Variants in MFSD6 observed in about 807,000 individuals in gnomAD.
MFSD6 encodes major facilitator superfamily domain-containing protein 6.
Under a neutral mutation model 56.3 loss-of-function variants are expected in MFSD6, and 26 were observed. The ratio of observed to expected loss-of-function variants is 0.46; its 90% CI spans 0.34 to 0.64. The LOEUF (loss-of-function observed/expected upper bound fraction) is 0.64, where lower values mean the gene tolerates loss of function less well. MFSD6 is among the 30% of genes least tolerant of loss of function. MFSD6 has a pLI of 0.01. For synonymous variants in MFSD6, 331 were observed against 366.9 expected (o/e 0.90, Z 1.12); for missense variants, 750 against 986.2 (o/e 0.76, Z 3.21).
chr2:190,493,726 A>G (rs1458794013), intron 6 of MFSD6, among the ~76,000 whole-genome samples: 6 of 152,208 alleles, frequency 3.9e-5, no homozygotes, highest in African/African-American at 1.2e-4. Context: ...GGAACCTTCA[A>G]AACCATGCAA....
intron 2 of MFSD6, among the ~76,000 whole-genome samples, chr2:190,422,491 T>TA (rs1292700204): frequency 6.6e-6 from 1 of 152,232 alleles, no homozygotes; most frequent in Non-Finnish European, 1.5e-5. Flanking sequence ...ATTGCATGTG[T>TA]AAAATGTCTT....
Position 190,437,689 on chromosome 2 carries a change from G to A in MFSD6, c.1532+128G>A. The A allele has an allele frequency of 8.8e-7, 1 of 1,132,108 alleles. No homozygotes were observed. The highest frequency in any genetic ancestry group is 1.2e-6 in the Non-Finnish European group (1 of 819,490). 70.1% of individuals were successfully genotyped at this position (1,132,108 alleles called of 1,614,324 possible). ...GAGGATAGGGTTGGAGTGGAAATGG[G>A]GATTTCTGTTTCTTTTCCTCCTTAA... On this transcript the variant is annotated intron_variant, in intron 3 of 7. Coordinates refer to ENST00000392328, the MANE Select transcript of MFSD6 (RefSeq NM_017694.4). This position sits in a 1 kb window ranked among gnomAD's most constrained non-coding sequence, Gnocchi z 5.9.
rs982135051 is a variant in MFSD6, at chr2:190,454,866, T to G, written c.1533-14892T>G. The stretch of plus-strand genomic sequence containing the variant: ...CCTATGGCCTAACATAGTGGGATGA[T>G]GGTAGGAGTGAGTCCGGCAACGGCA... On this transcript the variant is annotated intron_variant, in intron 3 of 7. Transcript: ENST00000392328. This position sits in a 1 kb window ranked among gnomAD's most constrained non-coding sequence, Gnocchi z 4.6. Among the ~76,000 whole-genome samples the G allele has an allele frequency of 2.6e-5, 4 of 151,962 alleles. No homozygotes were observed. In the East Asian group the frequency reaches 7.7e-4, roughly 29 times the overall value.
chr2:190,497,756 C>A lies in MFSD6; in HGVS notation c.2172+37C>A. 1 of 1,579,680 alleles carries A rather than the reference C, an allele frequency of 6.3e-7. No individual in the cohort carries two copies. The highest frequency in any genetic ancestry group is 1.1e-5 in the South Asian group (1 of 88,062). ...TTGCTGGGCTAGCAATATTACCTGT[C>A]ACTCAAGATACCTTAACTGGGCTCA... On this transcript the variant is annotated intron_variant, in intron 7 of 7. Coordinates refer to ENST00000392328, the MANE Select transcript of MFSD6 (RefSeq NM_017694.4). This position sits in a 1 kb window ranked among gnomAD's most constrained non-coding sequence, Gnocchi z 5.2.
intron 3 of MFSD6, among the ~76,000 whole-genome samples, chr2:190,441,243 C>T (rs1278568597): frequency 1.3e-5 from 2 of 152,056 alleles, no homozygotes; most frequent in South Asian, 4.2e-4. Context: ...AGGGTCTGTT[C>T]TCGTGTCTTC....
intron 2 of MFSD6, chr2:190,435,441 C>A (rs897710216): frequency 1.3e-5 from 2 of 152,558 alleles, no homozygotes; most frequent in African/African-American, 4.8e-5. Context: ...ACCAGGGTAT[C>A]TTTGTCATGG....
intron 4 of MFSD6, among the ~76,000 whole-genome samples, chr2:190,483,264 G>T (rs1688804543): frequency 6.6e-6 from 1 of 152,076 alleles, no homozygotes; most frequent in Non-Finnish European, 1.5e-5. Context: ...AAAGTAGATA[G>T]TTACATTTAC....
intron 4 of MFSD6, among the ~76,000 whole-genome samples, chr2:190,470,737 G>T (rs1574185061): frequency 1.3e-5 from 2 of 152,256 alleles, no homozygotes; most frequent in East Asian, 3.9e-4. Context: ...CATGATGAAA[G>T]ATTGAGAATT....
At chr2:190,466,027 TG>T (rs1687588046) in intron 3 of MFSD6, among the ~76,000 whole-genome samples, 1 of 152,220 alleles carries the variant, frequency 6.6e-6, no homozygotes, top group Admixed American at 6.5e-5. Context: ...CGAGATCAAT[TG>T]TCCGTAGGGT....
In MFSD6 at chr2:190,467,602, G is replaced by C. The variant is rs1056316345; in HGVS notation, c.1533-2156G>C. Reference sequence around the variant, plus strand: ...CTCTCTAGCCTCGGCAACAGAGCGAGACTCTGTCTCAAAAAAAGAAAAAGA... The same window carrying C: ...CTCTCTAGCCTCGGCAACAGAGCGACACTCTGTCTCAAAAAAAGAAAAAGA... On this transcript the variant is annotated intron_variant, in intron 3 of 7. Transcript: ENST00000392328. This position sits in a 1 kb window ranked among gnomAD's most constrained non-coding sequence, Gnocchi z 5.5. 2.0e-5 allele frequency among the ~76,000 whole-genome samples: 3 copies of C among 152,136 alleles called. No individual in the cohort carries two copies. The highest frequency in any genetic ancestry group is 4.4e-5 in the Non-Finnish European group (3 of 68,036).
In MFSD6 at chr2:190,474,313, C is replaced by T. The variant is rs572711293; in HGVS notation, c.1630+4458C>T. Among the ~76,000 whole-genome samples the T allele has an allele frequency of 1.6e-3, 241 of 151,676 alleles. 2 individuals are homozygous for T. Among genetic ancestry groups the T allele is most frequent in the African/African-American group, 3.5e-3 (143 of 41,376 alleles). ...GAAAAGATCAACAAAATTGATAGACCGCTAGCAAGACTAATAAAGAAGAAA... is the reference window on the plus strand; with the variant it reads ...GAAAAGATCAACAAAATTGATAGACTGCTAGCAAGACTAATAAAGAAGAAA... On this transcript the variant is annotated intron_variant, in intron 4 of 7. Coordinates refer to ENST00000392328, the MANE Select transcript of MFSD6 (RefSeq NM_017694.4).
chr2:190,460,877 C>A lies in MFSD6; in HGVS notation c.1533-8881C>A, dbSNP rs557006077. ...AAGGAAAGATGTTTTATAATAGAAT[C>A]TTCTTCATATCAGCAATTTTGATGC... On this transcript the variant is annotated intron_variant, in intron 3 of 7. Coordinates refer to ENST00000392328, the MANE Select transcript of MFSD6 (RefSeq NM_017694.4). Among the ~76,000 whole-genome samples, 3 of 152,300 alleles carry A rather than the reference C, an allele frequency of 2.0e-5. No individual in the cohort carries two copies. In the South Asian group the frequency reaches 6.2e-4, roughly 32 times the overall value.
chr2:190,435,921 G>A (rs571504798), intron 2 of MFSD6, 56 bp from the exon 3 acceptor site: 4 of 1,364,400 alleles, frequency 2.9e-6, no homozygotes, highest in African/African-American at 1.5e-5. Context: ...ATGAAGTTCT[G>A]TGTTTACATG....
chr2:190,482,892 T>TG (rs1688768342), intron 4 of MFSD6, among the ~76,000 whole-genome samples: 2 of 85,520 alleles, frequency 2.3e-5, no homozygotes, highest in Admixed American at 1.4e-4. Context: ...TTTTTTTTTT[T>TG]TTTTTTTTTT....
At position 190,465,631 on chromosome 2, in the gene MFSD6, T is replaced by A. The variant is rs1372345123; in HGVS notation, c.1533-4127T>A. Among the ~76,000 whole-genome samples the A allele has an allele frequency of 6.6e-6, 1 of 152,212 alleles. No homozygotes were observed. Among genetic ancestry groups the A allele is most frequent in the Non-Finnish European group, 1.5e-5 (1 of 68,038 alleles). On this transcript the variant is annotated intron_variant, in intron 3 of 7. Transcript: ENST00000392328. This position sits in a 1 kb window ranked among gnomAD's most constrained non-coding sequence, Gnocchi z 4.6. ...TCCTTTATATTAGCAAATCCCTAACTGTATTAGAGTGAATGTGTTCATTTG... is the reference window on the plus strand; with the variant it reads ...TCCTTTATATTAGCAAATCCCTAACAGTATTAGAGTGAATGTGTTCATTTG...
At position 190,437,356 on chromosome 2, in the gene MFSD6, T is replaced by G; in HGVS notation, c.1327T>G (p.Cys443Gly). Residue 443 changes from cysteine (C) to glycine (G), a missense_variant, in exon 3 of 8, where the codon TGC becomes GGC. Cys to Gly is a radical substitution (Grantham distance 159). Transcript: ENST00000392328. The surrounding 1 kb of genome is among the most constrained non-coding windows in gnomAD (Gnocchi z 5.9). ...CTTTTGGGACTTAATCAAGCTGCTC[T>G]GCAGCGTGCAGTATGGCTCAGTGCT... ...FNFWDLIKLLCSVQYGSVLFV... is the reference protein window; with the variant it reads ...FNFWDLIKLLGSVQYGSVLFV... The G allele has an allele frequency of 6.2e-7, 1 of 1,614,266 alleles. No individual in the cohort carries two copies. The highest frequency in any genetic ancestry group is 8.5e-7 in the Non-Finnish European group (1 of 1,180,048).
upstream of MFSD6, among the ~76,000 whole-genome samples, chr2:190,407,853 A>G (rs1233068501): frequency 6.6e-6 from 1 of 152,210 alleles, no homozygotes; most frequent in Non-Finnish European, 1.5e-5. The surrounding 1 kb of genome is among the most constrained non-coding windows in gnomAD (Gnocchi z 5.4). Context: ...TGACAGCATT[A>G]GCATTGTGTG....
rs1016178392 is a variant in MFSD6 at position 190,412,540 on chromosome 2, A to G, written c.-175-2752A>G. ...CAACTAACATGGCATTTCCTTGGGC[A>G]TAGCATTTTTGATTCCTGGGAAAAG... On this transcript the variant is annotated intron_variant, in intron 1 of 7. Transcript: ENST00000392328. The surrounding 1 kb of genome is among the most constrained non-coding windows in gnomAD (Gnocchi z 4.1). 8.1e-6 allele frequency: 8 copies of G among 985,312 alleles called. No homozygotes were observed. The South Asian group carries it at 1.9e-4, about 23-fold the overall frequency. 61.0% of individuals were successfully genotyped at this position (985,312 alleles called of 1,614,324 possible). A position where few individuals can be genotyped will look rare whatever the true frequency, so the allele number is the denominator to read the frequency against.
chr2:190,449,920 C>T (rs1018163201), intron 3 of MFSD6, among the ~76,000 whole-genome samples: 19 of 151,754 alleles, frequency 1.3e-4, no homozygotes, highest in Non-Finnish European at 2.4e-4. Flanking sequence ...TGCTAAATGA[C>T]GAGTTAATGG....
Sources: allele counts gnomAD v4.1 joint callset (sites outside exome capture counted in the v4.1 genomes callset), GRCh38; gene constraint gnomAD v4.1.1; non-coding constraint Gnocchi (gnomAD v3.1); transcripts MANE v1.5; gene names NCBI Gene and HGNC (gene_info 2026-07-23, HGNC 2026-07-21).